The following FMN1 variants were observed in gnomAD, a reference collection of about 807,000 sequenced individuals.
FMN1 encodes formin-1.
Under a neutral mutation model 132.4 loss-of-function variants are expected in FMN1, and 110 were observed. The ratio of observed to expected loss-of-function variants is 0.83; its 90% CI spans 0.71 to 0.97. The LOEUF (loss-of-function observed/expected upper bound fraction) is 0.97, where lower values mean the gene tolerates loss of function less well. FMN1 is among the 50% of genes least tolerant of loss of function. FMN1 has a pLI of 0.00. For missense variants in FMN1, 1,792 were observed against 1,705.3 expected, an observed-to-expected ratio of 1.05 and a Z score of -0.90; for synonymous variants, 722 against 651.7, an observed-to-expected ratio of 1.11 and a Z score of -1.64.
intron 19 of FMN1, among the ~76,000 whole-genome samples, chr15:32,791,588 G>C (rs2057080015): frequency 6.6e-6 from 1 of 152,220 alleles, no homozygotes; most frequent in Non-Finnish European, 1.5e-5. Context: ...GCAGAGAGAA[G>C]AGTTAGAAGG....
intron 6 of FMN1, among the ~76,000 whole-genome samples, chr15:33,053,020 C>G (rs772718964): frequency 6.6e-6 from 1 of 152,048 alleles, no homozygotes; most frequent in African/African-American, 2.4e-5. Flanking sequence ...ACAGTCCCTT[C>G]TCTGCTGAAA....
chr15:32,888,306 T>C lies in FMN1; in HGVS notation c.3715-14A>G, dbSNP rs769367320. On this transcript the variant is annotated splice_polypyrimidine_tract_variant and intron_variant, in intron 15 of 20. Coordinates refer to ENST00000616417, the MANE Select transcript of FMN1 (RefSeq NM_001277313.2). ...TGTTCCAGCTTCCTAAGAGATATGG[T>C]AAACAAAAGTACATTATACTTCCCA... is the stretch of plus-strand genomic sequence containing the variant. The C allele has an allele frequency of 8.8e-6, 14 of 1,596,530 alleles. No individual in the cohort carries two copies. In the African/African-American group the frequency reaches 9.5e-5, roughly 11 times the overall value.
rs1247938583 is a variant in FMN1 at position 33,154,220 on chromosome 15, C to T, written c.695G>A (p.Arg232Lys). 2 of 1,536,186 alleles carry T rather than the reference C, an allele frequency of 1.3e-6. No homozygotes were observed. Among genetic ancestry groups the T allele is most frequent in the Non-Finnish European group, 1.7e-6 (2 of 1,146,966 alleles). Residue 232 changes from arginine to lysine, a missense_variant, in exon 4 of 21, where the codon AGG becomes AAG. Arg to Lys is a conservative substitution (Grantham distance 26, BLOSUM62 2). This residue lies in a region of FMN1 where 638 missense variants were observed against 645.2 expected (regional missense o/e 0.99). Coordinates refer to ENST00000616417, the MANE Select transcript of FMN1 (RefSeq NM_001277313.2). ...AATATCTGGGGGGCAGCTCTCTCTCCTCTGCAGGGAGCAGGCAAGTGCCCC... is the reference window on the plus strand; with the variant it reads ...AATATCTGGGGGGCAGCTCTCTCTCTTCTGCAGGGAGCAGGCAAGTGCCCC... ...PNGALACSLQ[R>K]RESCPPDIPK...
At chr15:32,991,808 A>G (rs2033451861) in intron 7 of FMN1, among the ~76,000 whole-genome samples, 2 of 152,186 alleles carry the variant, frequency 1.3e-5, no homozygotes, top group Non-Finnish European at 2.9e-5. Flanking sequence ...TGGCCCTTTG[A>G]CACTCAAAGG....
At chr15:33,062,947 A>C (rs1370385988) in intron 6 of FMN1, 1 of 152,216 alleles carries the variant, frequency 6.6e-6, no homozygotes, top group Non-Finnish European at 1.5e-5. Context: ...ACTAGAAAAT[A>C]TAACCCTCCC....
intron 16 of FMN1, among the ~76,000 whole-genome samples, chr15:32,882,510 C>T (rs375139981): frequency 2.0e-5 from 3 of 152,308 alleles, no homozygotes; most frequent in South Asian, 4.1e-4. Flanking sequence ...TGTCCACTGT[C>T]TACACTGGTA....
chr15:33,050,502 G>T (rs1401711737), intron 6 of FMN1, among the ~76,000 whole-genome samples: 1 of 151,660 alleles, frequency 6.6e-6, no homozygotes, highest in African/African-American at 2.4e-5. Context: ...AAATCCAACT[G>T]GTCAATAAAT....
chr15:33,013,056 C>G (rs1459687272), intron 6 of FMN1: 1 of 400,766 alleles, frequency 2.5e-6, no homozygotes, highest in East Asian at 6.9e-5. Context: ...ATGGCACTGG[C>G]AGAAGATTTT....
chr15:33,127,968 G>A (rs920501160), intron 4 of FMN1, among the ~76,000 whole-genome samples: 22 of 151,966 alleles, frequency 1.4e-4, no homozygotes, highest in African/African-American at 4.8e-4. Context: ...GAAAGAAAGG[G>A]GAAAGGAAGG....
Position 33,154,437 on chromosome 15 carries a change from G to A in FMN1, c.478C>T (p.Arg160Trp), listed in dbSNP as rs776807968. ...CTCTCTCTCCTTCCACTAGACCTCC[G>A]AGGCTTTTTGTTCCCGTGGGTGCTC... ...KRSTHGNKKPRRSSGRRESFG... is the reference protein window; with the variant it reads ...KRSTHGNKKPWRSSGRRESFG... Residue 160 changes from arginine to tryptophan, a missense_variant, in exon 4 of 21, where the codon CGG becomes TGG. Physicochemically the swap from Arg to Trp is moderately radical, Grantham distance 101. Around this residue, in one of 3 missense-constraint regions of FMN1, gnomAD observed 638 missense variants for 645.2 expected, o/e 0.99. Coordinates refer to ENST00000616417, the MANE Select transcript of FMN1 (RefSeq NM_001277313.2). The A allele has an allele frequency of 5.2e-6, 8 of 1,536,026 alleles. No homozygotes were observed. Among genetic ancestry groups the A allele is most frequent in the Admixed American group, 2.0e-5 (1 of 51,000 alleles).
At chr15:33,185,206 T>C (rs1965838366) in intron 2 of FMN1, among the ~76,000 whole-genome samples, 1 of 152,218 alleles carries the variant, frequency 6.6e-6, no homozygotes, top group Non-Finnish European at 1.5e-5. Context: ...AACAGTTGCA[T>C]AGTCGTAATG....
At chr15:32,798,353 T>A (rs953714051) in intron 19 of FMN1, among the ~76,000 whole-genome samples, 18 of 152,110 alleles carry the variant, frequency 1.2e-4, no homozygotes, top group African/African-American at 4.3e-4. Context: ...GTAAATCCAA[T>A]GCGGGGCTTC....
chr15:33,019,849 T>A (rs1330500052), intron 6 of FMN1, among the ~76,000 whole-genome samples: 1 of 152,170 alleles, frequency 6.6e-6, no homozygotes, highest in Admixed American at 6.5e-5. Context: ...TTCCCGTCCG[T>A]GCCTCTCCCT....
intron 10 of FMN1, among the ~76,000 whole-genome samples, chr15:32,918,636 G>T (rs1321559093): frequency 6.6e-6 from 1 of 152,158 alleles, no homozygotes; most frequent in Non-Finnish European, 1.5e-5. Context: ...CCTCAAAGAA[G>T]GGCACAGGGC....
At chr15:33,157,993 CA>C (rs71756813) in intron 3 of FMN1, among the ~76,000 whole-genome samples, 113 of 123,504 alleles carry the variant, frequency 9.1e-4, no homozygotes, top group African/African-American at 2.0e-3. Flanking sequence ...CCCTGTCTTT[CA>C]AAAAAAAAAA....
chr15:32,924,047 T>C (rs1282533137), intron 10 of FMN1, among the ~76,000 whole-genome samples: 2 of 152,170 alleles, frequency 1.3e-5, no homozygotes, highest in Non-Finnish European at 2.9e-5. Context: ...TAAACTCCCC[T>C]GAAAACATTT....
In FMN1 at chr15:32,769,262, C is replaced by T. The variant is rs1184252864; in HGVS notation, c.*5048G>A. ...AAGAGTCTTGGAACAAATAAGGATACTGAATTGGCTTCAAATTTGACATGT... is the reference window on the plus strand; with the variant it reads ...AAGAGTCTTGGAACAAATAAGGATATTGAATTGGCTTCAAATTTGACATGT... On this transcript the variant is annotated 3_prime_UTR_variant, in exon 21 of 21. Coordinates refer to ENST00000616417, the MANE Select transcript of FMN1 (RefSeq NM_001277313.2). The T allele has an allele frequency of 1.3e-5, 2 of 152,196 alleles. No individual in the cohort carries two copies. The highest frequency in any genetic ancestry group is 2.9e-5 in the Non-Finnish European group (2 of 68,044). The allele number at this position is 152,196 out of a possible 1,614,324, so 9.4% of individuals were successfully genotyped here.
rs77853673 is a variant in FMN1 at position 32,785,364 on chromosome 15, A to C, written c.4131-8445T>G. 0.016 allele frequency among the ~76,000 whole-genome samples: 2,387 copies of C among 150,832 alleles called. 128 individuals carry two copies. The East Asian group carries it at 0.17, about 11-fold the overall frequency. On this transcript the variant is annotated intron_variant, in intron 19 of 20. Transcript: ENST00000616417. ...AAGCCATCAAGCCCAGACAAAGGCT[A>C]AGTTATATTTATAATGAAAAAAAGG...
intron 16 of FMN1, among the ~76,000 whole-genome samples, chr15:32,880,508 T>C (rs2059744131): frequency 3.9e-5 from 6 of 152,222 alleles, no homozygotes; most frequent in Admixed American, 3.9e-4. Context: ...TTTTTCTCTG[T>C]GCTGGAGGCT....
Sources: gnomAD v4.1 joint callset for allele counts (sites outside exome capture counted in the v4.1 genomes callset) on GRCh38, gnomAD v4.1.1 for gene constraint, gnomAD v4.1.1 regional missense constraint, MANE v1.5 for transcripts, NCBI Gene and HGNC (gene_info 2026-07-23, HGNC 2026-07-21) for gene names.